The following RIT2 variants were observed in gnomAD, a reference collection of about 807,000 sequenced individuals.
The protein encoded by RIT2 is GTP-binding protein Rit2.
RIT2 carries 24 observed loss-of-function variants against 23.7 expected under a neutral mutation model. That is an observed-to-expected ratio of 1.01 (90% confidence interval 0.73 to 1.43). The LOEUF (loss-of-function observed/expected upper bound fraction) is 1.43. RIT2 is among the 40% of genes most tolerant of loss of function. The pLI is 0.00. For missense variants in RIT2, 236 were observed against 266.9 expected (o/e 0.88, Z 0.81); for synonymous variants, 107 against 91.1 (o/e 1.17, Z -0.99).
At chr18:42,817,138 G>C (rs548626875) in intron 4 of RIT2, among the ~76,000 whole-genome samples, 49 of 152,004 alleles carry the variant, frequency 3.2e-4, no homozygotes, top group African/African-American at 1.2e-3. Flanking sequence ...GGAGAAAAAA[G>C]GTATTTGAAT....
At chr18:43,095,138 CTGTCCTCCACAA>C (rs1341792715) in intron 1 of RIT2, among the ~76,000 whole-genome samples, 1 of 152,148 alleles carries the variant, frequency 6.6e-6, no homozygotes, top group Admixed American at 6.6e-5. Flanking sequence ...AATAGCCACA[CTGTCCTCCACAA>C]TGGTTGAACT....
At chr18:43,097,917 G>A (rs1913592971) in intron 1 of RIT2, among the ~76,000 whole-genome samples, 1 of 151,812 alleles carries the variant, frequency 6.6e-6, no homozygotes, top group African/African-American at 2.4e-5. Context: ...AAACACAAAT[G>A]GATATTAAAA....
At chr18:42,983,015 AT>A (rs1910631094) in intron 2 of RIT2, among the ~76,000 whole-genome samples, 1 of 152,124 alleles carries the variant, frequency 6.6e-6, no homozygotes, top group South Asian at 2.1e-4. Flanking sequence ...TTGGAATAGA[AT>A]TTTAATTCCA....
At chr18:43,086,724 C>G (rs1428462443) in intron 1 of RIT2, among the ~76,000 whole-genome samples, 2 of 152,136 alleles carry the variant, frequency 1.3e-5, no homozygotes, top group Admixed American at 6.6e-5. Context: ...TATGGGCAAA[C>G]AGTAGGAAGC....
intron 4 of RIT2, among the ~76,000 whole-genome samples, chr18:42,744,121 G>T (rs767657071): frequency 1.3e-5 from 2 of 151,938 alleles, no homozygotes; most frequent in African/African-American, 4.8e-5. Context: ...CTGTCTGCCA[G>T]AGAACAAACC....
chr18:42,873,155 G>A (rs1430051001), intron 4 of RIT2, among the ~76,000 whole-genome samples: 1 of 152,096 alleles, frequency 6.6e-6, no homozygotes, highest in East Asian at 1.9e-4. Flanking sequence ...TCAAGATGCT[G>A]TTTAATAAAA....
chr18:42,752,554 C>T (rs1567987498), intron 4 of RIT2, among the ~76,000 whole-genome samples: 1 of 152,170 alleles, frequency 6.6e-6, no homozygotes, highest in Non-Finnish European at 1.5e-5. Flanking sequence ...TTAAGCACCG[C>T]TTCCCTTCTT....
At chr18:42,955,808 C>A (rs1909958698) in intron 3 of RIT2, among the ~76,000 whole-genome samples, 2 of 152,194 alleles carry the variant, frequency 1.3e-5, no homozygotes, top group African/African-American at 4.8e-5. Context: ...ACATTTACTT[C>A]ACCTTGAAAA....
intron 1 of RIT2, among the ~76,000 whole-genome samples, chr18:43,039,778 A>G (rs192705982): frequency 5.3e-5 from 8 of 152,314 alleles, no homozygotes; most frequent in African/African-American, 1.4e-4. Flanking sequence ...CAAGAGGCCA[A>G]CTATATTCTC....
At chr18:42,900,145 A>G (rs1161233552) in intron 4 of RIT2, among the ~76,000 whole-genome samples, 1 of 152,100 alleles carries the variant, frequency 6.6e-6, no homozygotes, top group Non-Finnish European at 1.5e-5. Context: ...TGATTAAGAA[A>G]TTTAAGATTA....
At chr18:42,808,401 T>C (rs1249901445) in intron 4 of RIT2, among the ~76,000 whole-genome samples, 1 of 152,204 alleles carries the variant, frequency 6.6e-6, no homozygotes. Context: ...TCATATTTTT[T>C]TGTAGAGATT....
chr18:42,865,153 C>T (rs1286192179), intron 4 of RIT2, among the ~76,000 whole-genome samples: 1 of 152,200 alleles, frequency 6.6e-6, no homozygotes, highest in Admixed American at 6.5e-5. Context: ...CAATCCCTCA[C>T]AACAAACTCT....
chr18:43,013,052 A>G (rs1911387361), intron 2 of RIT2, among the ~76,000 whole-genome samples: 1 of 151,794 alleles, frequency 6.6e-6, no homozygotes, highest in South Asian at 2.1e-4. Context: ...CCAAACCAGT[A>G]ACCTGATTCA....
At chr18:42,940,500 G>A (rs762046132) in intron 3 of RIT2, among the ~76,000 whole-genome samples, 7 of 151,326 alleles carry the variant, frequency 4.6e-5, no homozygotes, top group African/African-American at 9.7e-5. Flanking sequence ...CTATCACACC[G>A]TATGGCTGGC....
chr18:42,964,500 C>A (rs1443843439), intron 3 of RIT2, among the ~76,000 whole-genome samples: 1 of 152,062 alleles, frequency 6.6e-6, no homozygotes, highest in Non-Finnish European at 1.5e-5. Flanking sequence ...ACTACTCCAC[C>A]CCCACCTGAC....
At chr18:43,077,575 A>G (rs1913055507) in intron 1 of RIT2, among the ~76,000 whole-genome samples, 1 of 152,092 alleles carries the variant, frequency 6.6e-6, no homozygotes, top group South Asian at 2.1e-4. Context: ...ACACCAGGAG[A>G]CTCCAGTTCT....
chr18:42,879,779 A>AC (rs1598696742), intron 4 of RIT2, among the ~76,000 whole-genome samples: 2 of 152,134 alleles, frequency 1.3e-5, no homozygotes, highest in African/African-American at 4.8e-5. Context: ...AAAAAATAAA[A>AC]CTTTTTTTTC....
At chr18:43,004,439 G>T (rs1385309927) in intron 2 of RIT2, among the ~76,000 whole-genome samples, 1 of 151,822 alleles carries the variant, frequency 6.6e-6, no homozygotes, top group East Asian at 1.9e-4. Flanking sequence ...ATCTCAAGGG[G>T]TGTTATCAAC....
chr18:42,965,663 A>G (rs1047939148), intron 3 of RIT2, among the ~76,000 whole-genome samples: 4 of 150,868 alleles, frequency 2.7e-5, no homozygotes, highest in Non-Finnish European at 4.4e-5. Flanking sequence ...ATATAAAGAA[A>G]TATAAAAATA....
Sources: allele counts gnomAD v4.1 joint callset (sites outside exome capture counted in the v4.1 genomes callset), GRCh38; gene constraint gnomAD v4.1.1; transcripts MANE v1.5; gene names NCBI Gene and HGNC (gene_info 2026-07-23, HGNC 2026-07-21).